NEK9: variants seen among roughly 807,000 people sequenced by gnomAD.
NEK9 encodes the protein NIMA related kinase 9.
In NEK9, 75 loss-of-function variants were observed where a neutral mutation model predicts 123.4. The observed-to-expected ratio is 0.61, with a 90% CI of 0.50 to 0.74. The LOEUF is 0.74. Ranked by LOEUF, NEK9 falls within the 30% of genes least tolerant of loss-of-function variation. The pLI, the probability that NEK9 is intolerant of heterozygous loss-of-function variation, is 0.00. For synonymous variants in NEK9, 438 were observed against 458.7 expected (o/e 0.95, Z 0.58); for missense variants, 952 against 1,214.4 (o/e 0.78, Z 3.21).
chr14:75,121,714 T>C (rs1285906279), intron 2 of NEK9, among the ~76,000 whole-genome samples: 1 of 152,116 alleles, frequency 6.6e-6, no homozygotes, highest in Non-Finnish European at 1.5e-5. Flanking sequence ...AGCCAGCTGT[T>C]GGGGCATGTG....
chr14:75,109,592 G>T, intron 10 of NEK9, 93 bp downstream of exon 10: 1 of 1,174,248 alleles, frequency 8.5e-7, no homozygotes, highest in Non-Finnish European at 1.2e-6. Context: ...CACTCCCTTA[G>T]TATAGGTTCA....
At chr14:75,104,488 C>CTTT (rs56719668) in intron 13 of NEK9, among the ~76,000 whole-genome samples, 1 of 142,456 alleles carries the variant, frequency 7.0e-6, no homozygotes, top group African/African-American at 2.6e-5. Context: ...TTCTTTTCTT[C>CTTT]TTTTTTTTTT....
chr14:75,080,303 C>T lies in NEK9; in HGVS notation c.*4261G>A, dbSNP rs1355322740. ...TGAGATCGCGCCACTGCACTCCAGC[C>T]TGGTGACCTAGTAAGAATCCATCTC... On this transcript the variant is annotated 3_prime_UTR_variant, in exon 22 of 22. Coordinates refer to ENST00000238616, the MANE Select transcript of NEK9 (RefSeq NM_033116.6). 1 of 148,962 alleles carries T rather than the reference C, an allele frequency of 6.7e-6. No individual in the cohort carries two copies. The highest frequency in any genetic ancestry group is 2.5e-5 in the African/African-American group (1 of 40,074). 9.2% of individuals were successfully genotyped at this position (148,962 alleles called of 1,614,324 possible).
intron 18 of NEK9, among the ~76,000 whole-genome samples, chr14:75,094,968 A>C (rs1215543726): frequency 6.6e-6 from 1 of 152,142 alleles, no homozygotes; most frequent in Non-Finnish European, 1.5e-5. Flanking sequence ...GATTCTCCTA[A>C]CCACACTGAA....
At chr14:75,099,512 T>C (rs1894492350) in intron 16 of NEK9, among the ~76,000 whole-genome samples, 1 of 152,094 alleles carries the variant, frequency 6.6e-6, no homozygotes, top group South Asian at 2.1e-4. Flanking sequence ...CCAGGAGTGG[T>C]GGCTCACGCC....
rs1895548800 is a variant in NEK9 at position 75,126,809 on chromosome 14, G to T, written c.113C>A (p.Pro38Gln). ...CTCCGCCGCGCCGCCGCCGGCTCGC[G>T]GCCCCTGACTGGCGCTAGGCCCCGG... ...SSPGPSASQG[P>Q]RAGGGAAEQE... Residue 38 changes from proline to glutamine, a missense_variant, in exon 1 of 22, where the codon CCG becomes CAG. By Grantham distance (76) the Pro-to-Gln change is moderately conservative. This residue lies in a region of NEK9 where 120 missense variants were observed against 97.6 expected (regional missense o/e 1.23). Transcript: ENST00000238616. 1 of 1,531,374 alleles carries T rather than the reference G, an allele frequency of 6.5e-7. No individual in the cohort carries two copies. Among genetic ancestry groups the T allele is most frequent in the Non-Finnish European group, 8.8e-7 (1 of 1,139,908 alleles). The allele number at this position is 1,531,374 out of a possible 1,614,324, so 94.9% of individuals were successfully genotyped here. A position where few individuals can be genotyped will look rare whatever the true frequency, so the allele number is the denominator to read the frequency against.
At position 75,086,887 on chromosome 14, in the gene NEK9, A is replaced by T. The variant is rs1594820207; in HGVS notation, c.2817+131T>A. On this transcript the variant is annotated intron_variant, in intron 21 of 21. Coordinates refer to ENST00000238616, the MANE Select transcript of NEK9 (RefSeq NM_033116.6). ...CACCACTGCACTCTGGCCTGGCAAC[A>T]GAGCGAGACTCCGTCTCAAAAAAAA... 2.2e-5 allele frequency: 20 copies of T among 916,446 alleles called. No individual in the cohort carries two copies. In the East Asian group the frequency reaches 4.8e-4, roughly 22 times the overall value. The allele number at this position is 916,446 out of a possible 1,614,324, so 56.8% of individuals were successfully genotyped here. A position where few individuals can be genotyped will look rare whatever the true frequency, so the allele number is the denominator to read the frequency against.
chr14:75,127,127 T>C (rs1594858660), upstream of NEK9: 1 of 514,232 alleles, frequency 1.9e-6, no homozygotes, highest in Non-Finnish European at 3.4e-6. Context: ...CTTACCCTCT[T>C]GGCTAGTCTA....
intron 2 of NEK9, among the ~76,000 whole-genome samples, chr14:75,123,630 G>A (rs2139812641): frequency 6.6e-6 from 1 of 152,254 alleles, no homozygotes; most frequent in Middle Eastern, 3.4e-3. Context: ...ACTCAGTTAT[G>A]ATCTTTGGAC....
chr14:75,097,102 A>G lies in NEK9; in HGVS notation c.2171T>C (p.Val724Ala), dbSNP rs147395825. ...SCRGWHTILIVEKVLNSKTIR... is the reference protein window; with the variant it reads ...SCRGWHTILIAEKVLNSKTIR... ...CCCCAGACATATGAAACTCTTACCA[A>G]CGATGAGAATGGTATGCCATCCACG... The change falls in exon 17 of 22, where the codon GTT becomes GCT. Residue 724 changes from valine (V) to alanine (A), a missense_variant and splice_region_variant. Val to Ala is a moderately conservative substitution (Grantham distance 64). This residue lies in a region of NEK9 where 698 missense variants were observed against 875.6 expected (regional missense o/e 0.80). Transcript: ENST00000238616. 8.8e-4 allele frequency: 1,408 copies of G among 1,603,428 alleles called. No individual in the cohort carries two copies. Among genetic ancestry groups the G allele is most frequent in the Non-Finnish European group, 1.1e-3 (1,296 of 1,174,366 alleles).
At chr14:75,105,664 A>T (rs919247612) in intron 13 of NEK9, among the ~76,000 whole-genome samples, 1 of 152,208 alleles carries the variant, frequency 6.6e-6, no homozygotes, top group African/African-American at 2.4e-5. Context: ...ATTTGTAGCT[A>T]TATGTGACTT....
chr14:75,121,217 T>A (rs1895322806), intron 2 of NEK9, 43 bp from the exon 3 acceptor site: 1 of 1,511,492 alleles, frequency 6.6e-7, no homozygotes, highest in Middle Eastern at 1.7e-4. Context: ...TTAATACAGA[T>A]CAAAGCTTGG....
At chr14:75,100,860 C>T (rs1035851126) in intron 16 of NEK9, 132 bp downstream of exon 16, 16 of 897,114 alleles carry the variant, frequency 1.8e-5, no homozygotes, top group Admixed American at 6.2e-5. Flanking sequence ...TATAACCGGC[C>T]ACCAATTTAA....
chr14:75,082,339 G>C lies in NEK9; in HGVS notation c.*2225C>G, dbSNP rs1220817910. ...GCAGGACAAAATTTAAAGAGAATTA[G>C]CTACAGAAAACCATTCAAAGGCATT... On this transcript the variant is annotated 3_prime_UTR_variant, in exon 22 of 22. Transcript: ENST00000238616. 6.6e-6 allele frequency: 1 copy of C among 152,124 alleles called. No homozygotes were observed. Among genetic ancestry groups the C allele is most frequent in the Admixed American group, 6.5e-5 (1 of 15,268 alleles). 9.4% of individuals were successfully genotyped at this position (152,124 alleles called of 1,614,324 possible).
chr14:75,086,365 TG>T (rs1566637875), intron 21 of NEK9: 1 of 150,316 alleles, frequency 6.7e-6, no homozygotes, highest in Admixed American at 6.7e-5. Context: ...GGGGGAAAAC[TG>T]GGAAAATTGA....
intron 15 of NEK9, 70 bp downstream of exon 15, chr14:75,101,587 A>T: frequency 9.8e-7 from 1 of 1,018,438 alleles, no homozygotes; most frequent in East Asian, 2.4e-5. Flanking sequence ...ATATAAAGAA[A>T]ACCTAATACC....
chr14:75,115,062 C>T (rs553395864), intron 6 of NEK9, among the ~76,000 whole-genome samples: 5 of 142,594 alleles, frequency 3.5e-5, no homozygotes, highest in South Asian at 4.4e-4. Context: ...TGTACACACA[C>T]GTGTGTGCAC....
chr14:75,091,196 G>T, intron 19 of NEK9, 74 bp downstream of exon 19: 1 of 1,279,166 alleles, frequency 7.8e-7, no homozygotes, highest in Non-Finnish European at 1.1e-6. Context: ...AAAACTGAGA[G>T]ACCCTGACAG....
rs370474070 is a variant in NEK9, at chr14:75,109,741, C to T, written c.1126G>A (p.Ala376Thr). The T allele has an allele frequency of 2.8e-4, 453 of 1,614,166 alleles. 3 individuals carry two copies. The highest frequency in any genetic ancestry group is 2.1e-3 in the South Asian group (190 of 91,090). ...KSGCSARQVC[A>T]GNTHFAVVTV... ...ACCACAGCAAAGTGGGTATTCCCTG[C>T]ACAGACCTGCCGGGCACTACAGCCA... The change falls in exon 10 of 22, where the codon GCA (alanine) becomes ACA (threonine). Residue 376 changes from alanine to threonine, a missense_variant. Ala to Thr is a moderately conservative substitution (Grantham distance 58). Transcript: ENST00000238616.
Sources: gnomAD v4.1 joint callset for allele counts (sites outside exome capture counted in the v4.1 genomes callset) on GRCh38, gnomAD v4.1.1 for gene constraint, gnomAD v4.1.1 regional missense constraint, MANE v1.5 for transcripts, NCBI Gene and HGNC (gene_info 2026-07-23, HGNC 2026-07-21) for gene names.